FNDC3A: variants seen among roughly 807,000 people sequenced by gnomAD.
FNDC3A encodes the protein fibronectin type-III domain-containing protein 3A.
In FNDC3A, 32 loss-of-function variants were observed where a neutral mutation model predicts 148.9. The observed-to-expected ratio is 0.21, with a 90% CI of 0.16 to 0.29. The LOEUF is 0.29. FNDC3A is among the 10% of genes least tolerant of loss of function. The pLI is 1.00. For synonymous variants in FNDC3A, 472 were observed against 473.6 expected, an observed-to-expected ratio of 1.00 and a Z score of 0.04; for missense variants, 1,191 against 1,452.8, an observed-to-expected ratio of 0.82 and a Z score of 2.93.
intron 6 of FNDC3A, among the ~76,000 whole-genome samples, chr13:49,137,861 G>GTATGTAGAAATACA: frequency 6.6e-6 from 1 of 152,190 alleles, no homozygotes; most frequent in East Asian, 1.9e-4. Flanking sequence ...TCTGTTTGAC[G>GTATGTAGAAATACA]TAGATATGCG....
At chr13:49,182,430 G>C (rs774064911) in intron 14 of FNDC3A, among the ~76,000 whole-genome samples, 3 of 151,990 alleles carry the variant, frequency 2.0e-5, no homozygotes, top group Non-Finnish European at 2.9e-5. Context: ...TTTTTTAAAC[G>C]ATCAAAGCCT....
intron 1 of FNDC3A, 49 bp from the exon 2 acceptor site, chr13:49,006,103 T>C: frequency 1.6e-6 from 1 of 636,148 alleles, no homozygotes; most frequent in Non-Finnish European, 2.7e-6. Flanking sequence ...AATGTTTTAC[T>C]GTATTTTAAG....
intron 2 of FNDC3A, among the ~76,000 whole-genome samples, chr13:49,058,452 G>A (rs1483111608): frequency 6.6e-6 from 1 of 152,154 alleles, no homozygotes; most frequent in Non-Finnish European, 1.5e-5. Flanking sequence ...TTTGGAGGCA[G>A]AAATTGGGCA....
chr13:49,114,828 C>T (rs560594102), intron 4 of FNDC3A, 97 bp downstream of exon 4: 197 of 864,272 alleles, frequency 2.3e-4, no homozygotes, highest in Admixed American at 1.4e-3. Context: ...CATTTAATTA[C>T]TGAGGCTTAC....
chr13:49,197,622 A>G (rs1886216722), intron 20 of FNDC3A, 103 bp from the exon 21 acceptor site: 5 of 904,438 alleles, frequency 5.5e-6, no homozygotes, highest in African/African-American at 1.7e-5. Context: ...AAGAAACTCA[A>G]AAGCAATCTA....
At chr13:49,206,391 T>A (rs889655347) in intron 25 of FNDC3A, among the ~76,000 whole-genome samples, 4 of 152,142 alleles carry the variant, frequency 2.6e-5, no homozygotes, top group Non-Finnish European at 5.9e-5. Context: ...GGTAGTTATT[T>A]ATATCTCACT....
chr13:49,085,570 T>C (rs901810902), intron 3 of FNDC3A, among the ~76,000 whole-genome samples: 3 of 152,186 alleles, frequency 2.0e-5, no homozygotes, highest in African/African-American at 4.8e-5. Context: ...TCAGAAGTTG[T>C]GTCTATTGTG....
At chr13:49,114,076 G>C (rs1380172856) in intron 3 of FNDC3A, among the ~76,000 whole-genome samples, 2 of 151,826 alleles carry the variant, frequency 1.3e-5, no homozygotes, top group Non-Finnish European at 2.9e-5. Context: ...ATTTCTCTTT[G>C]TTCTTAAGCC....
At chr13:49,176,378 A>C (rs1885031612) in intron 13 of FNDC3A, among the ~76,000 whole-genome samples, 1 of 152,184 alleles carries the variant, frequency 6.6e-6, no homozygotes, top group Admixed American at 6.5e-5. Flanking sequence ...AAACTAACAC[A>C]GGAACAGAGA....
chr13:49,134,364 C>G (rs547150005), intron 5 of FNDC3A, among the ~76,000 whole-genome samples: 5 of 152,116 alleles, frequency 3.3e-5, no homozygotes, highest in Non-Finnish European at 7.3e-5. Context: ...CATGTTCTCA[C>G]ATATAATAGT....
At chr13:49,202,289 G>GT (rs140033027) in intron 24 of FNDC3A, among the ~76,000 whole-genome samples, 288 of 152,296 alleles carry the variant, frequency 1.9e-3, no homozygotes, top group African/African-American at 6.7e-3. Context: ...AACTCTGGTT[G>GT]TTTAAACGTT....
chr13:49,073,944 C>G (rs909954897), intron 2 of FNDC3A, among the ~76,000 whole-genome samples: 2 of 151,282 alleles, frequency 1.3e-5, no homozygotes, highest in Non-Finnish European at 2.9e-5. Context: ...AAGGGATACT[C>G]ATATTTTAAT....
chr13:48,983,625 A>C (rs1305560823), intron 1 of FNDC3A, among the ~76,000 whole-genome samples: 2 of 152,232 alleles, frequency 1.3e-5, no homozygotes, highest in Non-Finnish European at 2.9e-5. Context: ...GCATGCATAT[A>C]CTTTTATTTG....
chr13:49,072,383 A>T (rs1398392992), intron 2 of FNDC3A, among the ~76,000 whole-genome samples: 2 of 150,854 alleles, frequency 1.3e-5, no homozygotes, highest in African/African-American at 2.4e-5. Context: ...TTAAAAAGTT[A>T]AAAAAAAAGA....
intron 3 of FNDC3A, among the ~76,000 whole-genome samples, chr13:49,099,459 G>A (rs2137834660): frequency 6.6e-6 from 1 of 152,188 alleles, no homozygotes; most frequent in African/African-American, 2.4e-5. Context: ...GTCTTTGCTG[G>A]CCACTTGGTG....
In FNDC3A at chr13:49,191,260, T is replaced by C; in HGVS notation, c.2102T>C (p.Met701Thr). 6.2e-7 allele frequency: 1 copy of C among 1,613,042 alleles called. No individual in the cohort carries two copies. The highest frequency in any genetic ancestry group is 8.5e-7 in the Non-Finnish European group (1 of 1,179,692). ...GSPISCYSVEMSPIEKDEPRE... is the reference protein window; with the variant it reads ...GSPISCYSVETSPIEKDEPRE... Reference sequence around the variant, plus strand: ...CCCATTTCCTGTTACAGTGTGGAAATGTCTCCTATAGAAAAAGATGAACCT... The same window carrying C: ...CCCATTTCCTGTTACAGTGTGGAAACGTCTCCTATAGAAAAAGATGAACCT... The change falls in exon 19 of 26, where the codon ATG becomes ACG. Residue 701 changes from methionine to threonine, a missense_variant. By Grantham distance (81) the Met-to-Thr change is moderately conservative. Coordinates refer to ENST00000492622, the MANE Select transcript of FNDC3A (RefSeq NM_001079673.2).
At chr13:49,006,102 C>T (rs1952215619) in intron 1 of FNDC3A, 50 bp from the exon 2 acceptor site, 2 of 628,270 alleles carry the variant, frequency 3.2e-6, no homozygotes, top group Admixed American at 2.8e-5. Flanking sequence ...CAATGTTTTA[C>T]TGTATTTTAA....
chr13:48,984,546 AAATG>A (rs959418219), intron 1 of FNDC3A, among the ~76,000 whole-genome samples: 1 of 152,256 alleles, frequency 6.6e-6, no homozygotes, highest in African/African-American at 2.4e-5. Context: ...ATTGTATGAT[AAATG>A]AATGAGTAAT....
At chr13:49,074,871 C>T (rs993605418) in intron 2 of FNDC3A, among the ~76,000 whole-genome samples, 3 of 152,116 alleles carry the variant, frequency 2.0e-5, no homozygotes, top group Non-Finnish European at 4.4e-5. Context: ...TAATTTAACA[C>T]ATTCTCGAAT....
Sources: allele counts gnomAD v4.1 joint callset (sites outside exome capture counted in the v4.1 genomes callset), GRCh38; gene constraint gnomAD v4.1.1; transcripts MANE v1.5; gene names NCBI Gene and HGNC (gene_info 2026-07-23, HGNC 2026-07-21).